Variants in ALK observed in about 807,000 individuals in gnomAD.
ALK encodes the protein ALK tyrosine kinase receptor.
ALK carries 74 observed loss-of-function variants against 163.1 expected under a neutral mutation model. The ratio of observed to expected loss-of-function variants is 0.45; its 90% CI spans 0.38 to 0.55. The LOEUF (loss-of-function observed/expected upper bound fraction) is 0.55. Ranked by LOEUF, ALK falls within the 20% of genes least tolerant of loss-of-function variation. ALK has a pLI of 0.00. For missense variants in ALK, 2,063 were observed against 2,105.3 expected (o/e 0.98, Z 0.39); for synonymous variants, 960 against 843.2 (o/e 1.14, Z -2.40).
chr2:29,614,693 T>G (rs1426125702), intron 3 of ALK, among the ~76,000 whole-genome samples: 2 of 152,198 alleles, frequency 1.3e-5, no homozygotes, highest in Non-Finnish European at 2.9e-5. Flanking sequence ...TGATTGAATT[T>G]CCCATCCTTC....
intron 3 of ALK, among the ~76,000 whole-genome samples, chr2:29,590,966 G>C (rs1675037385): frequency 6.6e-6 from 1 of 151,128 alleles, no homozygotes; most frequent in South Asian, 2.1e-4. Flanking sequence ...AGCTACTTGG[G>C]AGGCTGAGGC....
chr2:29,831,026 G>A (rs1400446267), intron 1 of ALK, among the ~76,000 whole-genome samples: 8 of 26,160 alleles, frequency 3.1e-4, no homozygotes, highest in African/African-American at 6.9e-4. Context: ...AAGAGGAAGG[G>A]GAAGGAGGAG....
chr2:29,464,141 C>A (rs1270994649), intron 4 of ALK, among the ~76,000 whole-genome samples: 1 of 152,106 alleles, frequency 6.6e-6, no homozygotes, highest in African/African-American at 2.4e-5. Flanking sequence ...GATATAAAAT[C>A]ACAATGTCTA....
At chr2:29,203,208 A>G (rs1437776483) in intron 26 of ALK, among the ~76,000 whole-genome samples, 1 of 152,146 alleles carries the variant, frequency 6.6e-6, no homozygotes, top group Non-Finnish European at 1.5e-5. Context: ...TGTAAAAACA[A>G]CAAAGGCTCT....
At chr2:29,311,091 G>C (rs1342523870) in intron 8 of ALK, among the ~76,000 whole-genome samples, 1 of 152,230 alleles carries the variant, frequency 6.6e-6, no homozygotes, top group Admixed American at 6.5e-5. Flanking sequence ...AAGGCTTTCT[G>C]AGGTTACTGT....
intron 4 of ALK, among the ~76,000 whole-genome samples, chr2:29,500,443 A>G (rs574526056): frequency 6.6e-5 from 10 of 152,212 alleles, no homozygotes; most frequent in African/African-American, 2.4e-4. Flanking sequence ...AAGCTACTAT[A>G]CTTCCTGTGC....
chr2:29,447,876 T>C (rs368331793), intron 4 of ALK, among the ~76,000 whole-genome samples: 3 of 152,134 alleles, frequency 2.0e-5, no homozygotes, highest in East Asian at 3.9e-4. Flanking sequence ...CGGCAAAATT[T>C]ATTGCTTAAT....
chr2:29,883,487 T>C (rs1278702477), intron 1 of ALK, among the ~76,000 whole-genome samples: 1 of 152,224 alleles, frequency 6.6e-6, no homozygotes, highest in Non-Finnish European at 1.5e-5. Flanking sequence ...ATGATGAATT[T>C]CTGAGGATGG....
chr2:29,383,968 C>T, intron 4 of ALK, 109 bp from the exon 5 acceptor site: 1 of 1,377,536 alleles, frequency 7.3e-7, no homozygotes, highest in Non-Finnish European at 1.0e-6. Context: ...GACTCACATT[C>T]TTCATGGGCA....
intron 4 of ALK, among the ~76,000 whole-genome samples, chr2:29,509,904 T>C (rs1672462322): frequency 6.6e-6 from 1 of 152,160 alleles, no homozygotes; most frequent in African/African-American, 2.4e-5. Context: ...GGTTTAGCAA[T>C]TGTGATCTGT....
intron 4 of ALK, among the ~76,000 whole-genome samples, chr2:29,447,047 A>C (rs1377750733): frequency 6.6e-6 from 1 of 152,082 alleles, no homozygotes; most frequent in Non-Finnish European, 1.5e-5. Flanking sequence ...TAAGGAACCA[A>C]CCCTCCCCTA....
intron 4 of ALK, among the ~76,000 whole-genome samples, chr2:29,414,618 A>C (rs1401709624): frequency 6.6e-6 from 1 of 152,232 alleles, no homozygotes; most frequent in Non-Finnish European, 1.5e-5. Context: ...GACATTGGGA[A>C]TGTGCAACCC....
intron 1 of ALK, among the ~76,000 whole-genome samples, chr2:29,821,637 G>T (rs72788252): frequency 0.015 from 2,302 of 152,240 alleles, 25 homozygotes; most frequent in Non-Finnish European, 0.022. Context: ...CATCTGTAGG[G>T]GTTCTGGGGC....
At chr2:29,628,837 G>C (rs187931578) in intron 3 of ALK, among the ~76,000 whole-genome samples, 129 of 152,288 alleles carry the variant, frequency 8.5e-4, no homozygotes, top group South Asian at 1.9e-3. Flanking sequence ...AAAAAGGAGA[G>C]AGCATAATAA....
At chr2:29,789,845 C>T (rs1004763977) in intron 1 of ALK, among the ~76,000 whole-genome samples, 1 of 152,172 alleles carries the variant, frequency 6.6e-6, no homozygotes, top group African/African-American at 2.4e-5. Flanking sequence ...AGGTGATTAA[C>T]ATTTGGCCGT....
chr2:29,401,832 G>A (rs1339850239), intron 4 of ALK, among the ~76,000 whole-genome samples: 2 of 152,198 alleles, frequency 1.3e-5, no homozygotes, highest in Non-Finnish European at 2.9e-5. Context: ...AAAGGGAATT[G>A]CAATTATTGA....
rs190584765 is a variant in ALK, at chr2:29,485,287, C to G, written c.1154+46628G>C. ...CTAATCCTCTAATTTTCCATTTGAACAAGACCATCCCAGAGTTCATCTTAT... is the reference window on the plus strand; with the variant it reads ...CTAATCCTCTAATTTTCCATTTGAAGAAGACCATCCCAGAGTTCATCTTAT... On this transcript the variant is annotated intron_variant, in intron 4 of 28. Transcript: ENST00000389048. 9.2e-5 allele frequency among the ~76,000 whole-genome samples: 14 copies of G among 152,308 alleles called. No homozygotes were observed. The East Asian group carries it at 2.7e-3, about 29-fold the overall frequency.
chr2:29,713,137 T>C (rs1412512976), intron 2 of ALK, among the ~76,000 whole-genome samples: 2 of 152,196 alleles, frequency 1.3e-5, no homozygotes, highest in East Asian at 3.9e-4. Context: ...TGTAGACACA[T>C]CACTCTAATT....
At chr2:29,699,283 G>A (rs1015241966) in intron 2 of ALK, among the ~76,000 whole-genome samples, 7 of 152,180 alleles carry the variant, frequency 4.6e-5, no homozygotes, top group Non-Finnish European at 1.0e-4. Context: ...ACTGTCCTGG[G>A]TGTTTTCCTT....
Sources: allele counts gnomAD v4.1 joint callset (sites outside exome capture counted in the v4.1 genomes callset), GRCh38; gene constraint gnomAD v4.1.1; transcripts MANE v1.5; gene names NCBI Gene and HGNC (gene_info 2026-07-23, HGNC 2026-07-21).